The following TMOD1 variants were observed in gnomAD, a reference collection of about 807,000 sequenced individuals.
TMOD1 encodes tropomodulin-1.
In TMOD1, 17 loss-of-function variants were observed where a neutral mutation model predicts 40.6. The observed-to-expected ratio is 0.42, with a 90% CI of 0.29 to 0.63. TMOD1 has a LOEUF of 0.63. Among genes scored for constraint, TMOD1 ranks in the 20% least tolerant of loss-of-function variants. The pLI is 0.22. For synonymous variants in TMOD1, 181 were observed against 175.0 expected, an observed-to-expected ratio of 1.03 and a Z score of -0.27; for missense variants, 391 against 447.6, an observed-to-expected ratio of 0.87 and a Z score of 1.14.
intron 8 of TMOD1, among the ~76,000 whole-genome samples, chr9:97,590,054 G>T (rs1042770998): frequency 9.3e-5 from 14 of 150,776 alleles, no homozygotes; most frequent in African/African-American, 2.9e-4. Flanking sequence ...TGTGACCAGG[G>T]TTTTTTTTCT....
chr9:97,533,283 C>A (rs1830130410), intron 2 of TMOD1, among the ~76,000 whole-genome samples: 4 of 152,174 alleles, frequency 2.6e-5, no homozygotes, highest in Admixed American at 2.6e-4. Context: ...CAAACATATA[C>A]ATGTGTGATT....
At chr9:97,567,269 C>T (rs1185674752) in intron 7 of TMOD1, among the ~76,000 whole-genome samples, 1 of 152,242 alleles carries the variant, frequency 6.6e-6, no homozygotes, top group African/African-American at 2.4e-5. Context: ...AAACCAAGCA[C>T]ATCCATTCTG....
At chr9:97,545,987 T>C (rs2131246704) in intron 2 of TMOD1, among the ~76,000 whole-genome samples, 198 bp from the exon 3 acceptor site, 1 of 152,290 alleles carries the variant, frequency 6.6e-6, no homozygotes, top group East Asian at 1.9e-4. Context: ...GCCTTTGACC[T>C]TGGACAAGTC....
chr9:97,531,941 C>T (rs955366616), intron 2 of TMOD1, among the ~76,000 whole-genome samples: 3 of 152,076 alleles, frequency 2.0e-5, no homozygotes, highest in South Asian at 2.1e-4. Flanking sequence ...AGTCAGCGGC[C>T]GAGCCAAGGC....
chr9:97,587,334 AC>A (rs1270637115), intron 8 of TMOD1, among the ~76,000 whole-genome samples: 1 of 152,164 alleles, frequency 6.6e-6, no homozygotes, highest in Non-Finnish European at 1.5e-5. Context: ...TTCTAGACCC[AC>A]CAGTAGTTTA....
chr9:97,530,735 T>G (rs1226490854), intron 2 of TMOD1, among the ~76,000 whole-genome samples: 1 of 149,906 alleles, frequency 6.7e-6, no homozygotes, highest in Non-Finnish European at 1.5e-5. Flanking sequence ...ATGATCCACC[T>G]GCCTCAGCCT....
intron 1 of TMOD1, among the ~76,000 whole-genome samples, chr9:97,521,306 A>G (rs1038179684): frequency 6.6e-6 from 1 of 152,202 alleles, no homozygotes; most frequent in Non-Finnish European, 1.5e-5. Context: ...ACATTTTTGA[A>G]GAAGTCCTGC....
intron 3 of TMOD1, among the ~76,000 whole-genome samples, chr9:97,553,010 C>T (rs1830476572): frequency 6.6e-6 from 1 of 152,160 alleles, no homozygotes; most frequent in South Asian, 2.1e-4. Context: ...TTCCTACTTA[C>T]AGATTGTTTG....
At chr9:97,577,867 AG>A (rs1825645120) in intron 8 of TMOD1, among the ~76,000 whole-genome samples, 1 of 152,246 alleles carries the variant, frequency 6.6e-6, no homozygotes, top group Non-Finnish European at 1.5e-5. Flanking sequence ...AAAATGAATT[AG>A]CTTTTGTAAA....
chr9:97,582,191 G>A (rs2131283172), intron 8 of TMOD1, among the ~76,000 whole-genome samples: 1 of 150,964 alleles, frequency 6.6e-6, no homozygotes, highest in East Asian at 2.0e-4. Flanking sequence ...GTGTAAGGAA[G>A]GGATCCAGTT....
chr9:97,572,309 G>A (rs1830831238), intron 8 of TMOD1, among the ~76,000 whole-genome samples: 1 of 152,150 alleles, frequency 6.6e-6, no homozygotes, highest in South Asian at 2.1e-4. Flanking sequence ...GAGTCGGAGA[G>A]CTTTGAATGG....
At chr9:97,501,412 T>A (rs1829497243), upstream of TMOD1, 1 of 152,298 alleles carries the variant, frequency 6.6e-6, no homozygotes, top group Non-Finnish European at 1.5e-5. Flanking sequence ...AAACTCTTCC[T>A]GGTACCAGCG....
At chr9:97,539,616 T>A (rs1830243738) in intron 2 of TMOD1, among the ~76,000 whole-genome samples, 1 of 151,934 alleles carries the variant, frequency 6.6e-6, no homozygotes, top group Non-Finnish European at 1.5e-5. Context: ...ATATGCCATT[T>A]AAAAAAAACA....
At chr9:97,555,638 T>C in intron 4 of TMOD1, 1 of 1,551,076 alleles carries the variant, frequency 6.4e-7, no homozygotes, top group Non-Finnish European at 8.7e-7. Context: ...ATGTTGGACA[T>C]TTGAAAGATG....
At chr9:97,576,946 G>A (rs534393309) in intron 8 of TMOD1, among the ~76,000 whole-genome samples, 270 of 152,218 alleles carry the variant, frequency 1.8e-3, no homozygotes, top group Non-Finnish European at 3.3e-3. Flanking sequence ...GCCCATGGTG[G>A]TTACTTCTAC....
intron 9 of TMOD1, 131 bp from the exon 10 acceptor site, chr9:97,599,503 T>A: frequency 8.7e-7 from 1 of 1,154,868 alleles, no homozygotes; most frequent in East Asian, 2.6e-5. Context: ...TACTGTCCTT[T>A]CAAAACAACA....
intron 2 of TMOD1, among the ~76,000 whole-genome samples, chr9:97,534,957 G>A (rs1432542595): frequency 6.6e-6 from 1 of 152,190 alleles, no homozygotes; most frequent in Non-Finnish European, 1.5e-5. Context: ...TTGAGCAAAG[G>A]CATGGCAGTG....
chr9:97,533,371 C>A (rs1205083251), intron 2 of TMOD1, among the ~76,000 whole-genome samples: 1 of 152,224 alleles, frequency 6.6e-6, no homozygotes, highest in African/African-American at 2.4e-5. Flanking sequence ...GATTTGTCCA[C>A]TAGAATCTAA....
chr9:97,595,532 CCTT>C (rs1303665372), intron 9 of TMOD1, among the ~76,000 whole-genome samples: 2 of 128,022 alleles, frequency 1.6e-5, no homozygotes, highest in Non-Finnish European at 3.1e-5. Context: ...GAACAAATTT[CCTT>C]TTTTTTTTTT....
Sources: gnomAD v4.1 joint callset for allele counts (sites outside exome capture counted in the v4.1 genomes callset) on GRCh38, gnomAD v4.1.1 for gene constraint, MANE v1.5 for transcripts, NCBI Gene and HGNC (gene_info 2026-07-23, HGNC 2026-07-21) for gene names.